CCDC178: variants seen among roughly 807,000 people sequenced by gnomAD.
CCDC178 encodes coiled-coil domain containing 178, also known as coiled-coil domain-containing protein 178.
In CCDC178, 126 loss-of-function variants were observed where a neutral mutation model predicts 117.4. The observed-to-expected ratio is 1.07, with a 90% CI of 0.93 to 1.24. CCDC178 has a LOEUF of 1.24. Ranked by LOEUF, CCDC178 falls within the 50% of genes most tolerant of loss-of-function variation. The pLI is 0.00. For synonymous variants in CCDC178, 283 were observed against 313.4 expected (o/e 0.90, Z 1.02); for missense variants, 1,030 against 986.9 (o/e 1.04, Z -0.59).
At chr18:33,140,460 C>T (rs979653739) in intron 20 of CCDC178, among the ~76,000 whole-genome samples, 2 of 152,188 alleles carry the variant, frequency 1.3e-5, no homozygotes, top group African/African-American at 2.4e-5. Flanking sequence ...TCATGAGAAC[C>T]CACCTCTTGC....
chr18:32,937,904 T>A lies in CCDC178; in HGVS notation c.*107A>T. ...GGGAGGTGAGTGAGTTTTTCGTTCATGGAAGTGTGAAATGGCAAACAGGTG... is the reference window on the plus strand; with the variant it reads ...GGGAGGTGAGTGAGTTTTTCGTTCAAGGAAGTGTGAAATGGCAAACAGGTG... On this transcript the variant is annotated 3_prime_UTR_variant, in exon 23 of 23. Coordinates refer to ENST00000383096, the MANE Select transcript of CCDC178 (RefSeq NM_001105528.4). 1.2e-6 allele frequency: 1 copy of A among 837,246 alleles called. No homozygotes were observed. Among genetic ancestry groups the A allele is most frequent in the Non-Finnish European group, 2.0e-6 (1 of 501,706 alleles). The allele number at this position is 837,246 out of a possible 1,614,324, so 51.9% of individuals were successfully genotyped here. A position where few individuals can be genotyped will look rare whatever the true frequency, so the allele number is the denominator to read the frequency against.
At chr18:32,995,654 T>C (rs1478115105) in intron 21 of CCDC178, among the ~76,000 whole-genome samples, 3 of 152,100 alleles carry the variant, frequency 2.0e-5, no homozygotes, top group Non-Finnish European at 4.4e-5. Context: ...TAAACTGCTA[T>C]TTCACTTCAA....
At chr18:32,988,159 C>T (rs1018570202) in intron 21 of CCDC178, among the ~76,000 whole-genome samples, 3 of 151,114 alleles carry the variant, frequency 2.0e-5, no homozygotes, top group Non-Finnish European at 4.4e-5. Flanking sequence ...TTGGCTGACG[C>T]GGTGGCTCAC....
At chr18:33,058,959 A>C (rs934991674) in intron 21 of CCDC178, among the ~76,000 whole-genome samples, 25 of 152,198 alleles carry the variant, frequency 1.6e-4, no homozygotes, top group African/African-American at 5.8e-4. Flanking sequence ...TCATAAATAT[A>C]CAATATTTAT....
intron 20 of CCDC178, among the ~76,000 whole-genome samples, chr18:33,156,103 T>A (rs1251928861): frequency 1.4e-5 from 2 of 147,220 alleles, no homozygotes; most frequent in Non-Finnish European, 3.0e-5. Flanking sequence ...TTTTTTTTTT[T>A]TTTGAGACGG....
chr18:33,397,142 T>C lies in CCDC178; in HGVS notation c.118+7A>G, dbSNP rs1394930976. The C allele has an allele frequency of 6.4e-7, 1 of 1,568,306 alleles. No homozygotes were observed. Among genetic ancestry groups the C allele is most frequent in the Non-Finnish European group, 8.8e-7 (1 of 1,141,526 alleles). On this transcript the variant is annotated splice_region_variant and intron_variant, in intron 4 of 22. Coordinates refer to ENST00000383096, the MANE Select transcript of CCDC178 (RefSeq NM_001105528.4). ...GATGAAAATTATATATAATAGCTGT[T>C]GGATACCTTCATTTGTCCTTGACCA...
chr18:33,008,126 G>A (rs771318757), intron 21 of CCDC178, among the ~76,000 whole-genome samples: 1 of 151,970 alleles, frequency 6.6e-6, no homozygotes, highest in African/African-American at 2.4e-5. Flanking sequence ...TCACAGTTGT[G>A]CAACTTGAGG....
chr18:33,352,716 A>C (rs539327401), intron 7 of CCDC178, among the ~76,000 whole-genome samples: 2 of 152,074 alleles, frequency 1.3e-5, no homozygotes, highest in Non-Finnish European at 2.9e-5. Context: ...ATATATATGA[A>C]ATTTCCAGTT....
intron 22 of CCDC178, chr18:32,956,583 T>G (rs2054597702): frequency 6.6e-6 from 1 of 152,208 alleles, no homozygotes; most frequent in African/African-American, 2.4e-5. Context: ...TTACACTATT[T>G]GAGTTAATTA....
chr18:33,377,115 T>G (rs1169554767), intron 5 of CCDC178, among the ~76,000 whole-genome samples: 1 of 152,218 alleles, frequency 6.6e-6, no homozygotes, highest in Admixed American at 6.5e-5. Context: ...CAGCATCTGT[T>G]GTTTTTGGCT....
chr18:33,424,415 G>T (rs1239780017), intron 2 of CCDC178, among the ~76,000 whole-genome samples: 3 of 152,150 alleles, frequency 2.0e-5, no homozygotes, highest in Admixed American at 2.0e-4. Context: ...CAAGGAATAG[G>T]CCAAGGCAGA....
At chr18:33,224,150 T>C (rs1298090679) in intron 17 of CCDC178, among the ~76,000 whole-genome samples, 2 of 152,172 alleles carry the variant, frequency 1.3e-5, no homozygotes, top group African/African-American at 4.8e-5. Flanking sequence ...AAAAAAGTTC[T>C]GGTGCCGAAA....
At chr18:33,330,687 T>A (rs2062655934) in intron 10 of CCDC178, among the ~76,000 whole-genome samples, 2 of 152,020 alleles carry the variant, frequency 1.3e-5, no homozygotes, top group East Asian at 3.9e-4. Context: ...GAGGTACAAG[T>A]CCAAAATCTG....
At chr18:33,013,797 C>A (rs1391241852) in intron 21 of CCDC178, among the ~76,000 whole-genome samples, 2 of 152,182 alleles carry the variant, frequency 1.3e-5, no homozygotes, top group African/African-American at 4.8e-5. Flanking sequence ...ATACAAAGAT[C>A]TTGCCAATGT....
intron 15 of CCDC178, among the ~76,000 whole-genome samples, chr18:33,234,046 T>C (rs1022005718): frequency 1.3e-5 from 2 of 152,148 alleles, no homozygotes. Context: ...ATGATATTTA[T>C]AGCAAGCTAA....
At chr18:32,977,810 A>G (rs2055059027) in intron 21 of CCDC178, among the ~76,000 whole-genome samples, 1 of 152,030 alleles carries the variant, frequency 6.6e-6, no homozygotes, top group Non-Finnish European at 1.5e-5. Context: ...CCCCCAAGAG[A>G]TCCTAGGATA....
intron 5 of CCDC178, among the ~76,000 whole-genome samples, chr18:33,371,782 T>TACACACACACAC (rs769582307): frequency 3.6e-3 from 194 of 53,602 alleles, no homozygotes; most frequent in African/African-American, 8.8e-3. Context: ...CATAAACATA[T>TACACACACACAC]ATACACACAC....
At chr18:32,940,993 A>G (rs2054226643) in intron 22 of CCDC178, among the ~76,000 whole-genome samples, 1 of 151,832 alleles carries the variant, frequency 6.6e-6, no homozygotes, top group Admixed American at 6.6e-5. Context: ...TCAGTAATAG[A>G]GCTTTGAGGG....
At chr18:32,978,185 A>C (rs2055066600) in intron 21 of CCDC178, among the ~76,000 whole-genome samples, 1 of 146,952 alleles carries the variant, frequency 6.8e-6, no homozygotes, top group African/African-American at 2.5e-5. Context: ...ACTAAGAAAG[A>C]GTAATATCTC....
Sources: allele counts gnomAD v4.1 joint callset (sites outside exome capture counted in the v4.1 genomes callset), GRCh38; gene constraint gnomAD v4.1.1; transcripts MANE v1.5; gene names NCBI Gene and HGNC (gene_info 2026-07-23, HGNC 2026-07-21).